The following PLD5 variants were observed in gnomAD, a reference collection of about 807,000 sequenced individuals.
PLD5 encodes inactive phospholipase D5.
In PLD5, 36 loss-of-function variants were observed where a neutral mutation model predicts 61.1. The ratio of observed to expected loss-of-function variants is 0.59; its 90% CI spans 0.45 to 0.78. The LOEUF (loss-of-function observed/expected upper bound fraction) is 0.78. Among genes scored for constraint, PLD5 ranks in the 30% least tolerant of loss-of-function variants. The probability of loss-of-function intolerance (pLI) is 0.00; values close to 1 mark genes in which losing one functional copy is unlikely to be tolerated. For missense variants in PLD5, 515 were observed against 644.4 expected (o/e 0.80, Z 2.17); for synonymous variants, 243 against 242.8 (o/e 1.00, Z -0.01).
intron 2 of PLD5, among the ~76,000 whole-genome samples, chr1:242,307,940 T>C (rs2149169761): frequency 1.3e-5 from 2 of 152,330 alleles, no homozygotes; most frequent in Middle Eastern, 3.4e-3. Context: ...ATAATTTCTC[T>C]ACTTGACGTG....
chr1:242,402,482 G>C (rs1341774687), intron 1 of PLD5, among the ~76,000 whole-genome samples: 1 of 152,056 alleles, frequency 6.6e-6, no homozygotes, highest in Non-Finnish European at 1.5e-5. Context: ...TAAAATAAGG[G>C]TAATTAAATG....
chr1:242,142,613 T>A (rs1664246891), intron 5 of PLD5, among the ~76,000 whole-genome samples: 1 of 152,062 alleles, frequency 6.6e-6, no homozygotes, highest in South Asian at 2.1e-4. Context: ...TCTAAGAACC[T>A]ATAGCTATCC....
chr1:242,355,416 A>G (rs1302717010), intron 1 of PLD5, among the ~76,000 whole-genome samples: 1 of 152,126 alleles, frequency 6.6e-6, no homozygotes, highest in Admixed American at 6.5e-5. Context: ...ATAGTTCATA[A>G]TAGTTTCTTA....
intron 1 of PLD5, among the ~76,000 whole-genome samples, chr1:242,503,815 G>T (rs1295772747): frequency 6.6e-6 from 1 of 152,150 alleles, no homozygotes; most frequent in Non-Finnish European, 1.5e-5. Context: ...GTCGGGAGCC[G>T]TTGATGGCAT....
At chr1:242,108,491 C>T (rs1023484265) in intron 7 of PLD5, among the ~76,000 whole-genome samples, 1 of 152,168 alleles carries the variant, frequency 6.6e-6, no homozygotes, top group Non-Finnish European at 1.5e-5. Context: ...GCCACAGCTT[C>T]TCCTGGATTT....
At chr1:242,334,980 A>G (rs1328897871) in intron 2 of PLD5, among the ~76,000 whole-genome samples, 1 of 152,054 alleles carries the variant, frequency 6.6e-6, no homozygotes, top group Non-Finnish European at 1.5e-5. Flanking sequence ...TATTTCTTCT[A>G]TGTATGCAAA....
At chr1:242,185,378 G>A (rs150148704) in intron 5 of PLD5, among the ~76,000 whole-genome samples, 2 of 152,282 alleles carry the variant, frequency 1.3e-5, no homozygotes, top group African/African-American at 4.8e-5. Context: ...TCCTAGAATG[G>A]AATTATTAGA....
chr1:242,393,563 T>TAC (rs1289141750), intron 1 of PLD5, among the ~76,000 whole-genome samples: 3 of 96,088 alleles, frequency 3.1e-5, no homozygotes, highest in Non-Finnish European at 5.9e-5. Context: ...TATATGAGTA[T>TAC]ATATGTGTAT....
At chr1:242,211,263 G>T (rs1053629464) in intron 5 of PLD5, among the ~76,000 whole-genome samples, 2 of 152,174 alleles carry the variant, frequency 1.3e-5, no homozygotes, top group African/African-American at 4.8e-5. Flanking sequence ...CTTCTTGGAA[G>T]GCCGGAAGGT....
chr1:242,464,001 C>T (rs1667200589), intron 1 of PLD5, among the ~76,000 whole-genome samples: 1 of 152,122 alleles, frequency 6.6e-6, no homozygotes, highest in South Asian at 2.1e-4. Context: ...TGACATTGCT[C>T]ACATTAAGGT....
At chr1:242,471,297 T>C (rs1667442370) in intron 1 of PLD5, among the ~76,000 whole-genome samples, 3 of 151,944 alleles carry the variant, frequency 2.0e-5, no homozygotes, top group South Asian at 4.1e-4. Context: ...AAAAAATCAG[T>C]GCTGGTTACT....
intron 4 of PLD5, among the ~76,000 whole-genome samples, chr1:242,234,579 T>C (rs1223258041): frequency 6.6e-6 from 1 of 151,576 alleles, no homozygotes; most frequent in Non-Finnish European, 1.5e-5. Context: ...GAGCAGAAAA[T>C]GGGGACCTAG....
At chr1:242,285,754 C>T (rs1480086321) in intron 3 of PLD5, among the ~76,000 whole-genome samples, 1 of 151,846 alleles carries the variant, frequency 6.6e-6, no homozygotes, top group East Asian at 1.9e-4. Context: ...TTTTGAAGTA[C>T]TTCTATAGTA....
intron 1 of PLD5, among the ~76,000 whole-genome samples, chr1:242,409,206 C>A (rs1395309417): frequency 5.9e-5 from 9 of 152,146 alleles, no homozygotes; most frequent in Non-Finnish European, 1.0e-4. Context: ...TCAGACACAA[C>A]CTTCCTGTTT....
chr1:242,092,815 T>C (rs1466639493), intron 9 of PLD5, among the ~76,000 whole-genome samples: 1 of 152,176 alleles, frequency 6.6e-6, no homozygotes, highest in African/African-American at 2.4e-5. Flanking sequence ...TCTGGAGCCC[T>C]CGAACATACC....
At position 242,089,758 on chromosome 1, in the gene PLD5, C is replaced by G; in HGVS notation, c.*96G>C. On this transcript the variant is annotated 3_prime_UTR_variant, in exon 10 of 10. Coordinates refer to ENST00000536534, the MANE Select transcript of PLD5 (RefSeq NM_001372062.1). ...TATTTTTTATAAGTGTGCTTTTTCC[C>G]TAAAAAAAGAGACATATTAAAGTGT... 1 of 1,479,804 alleles carries G rather than the reference C, an allele frequency of 6.8e-7. No homozygotes were observed. 91.7% of individuals were successfully genotyped at this position (1,479,804 alleles called of 1,614,324 possible). A position where few individuals can be genotyped will look rare whatever the true frequency, so the allele number is the denominator to read the frequency against.
intron 1 of PLD5, among the ~76,000 whole-genome samples, chr1:242,361,872 T>A (rs1026968170): frequency 1.4e-4 from 21 of 152,128 alleles, no homozygotes; most frequent in African/African-American, 5.1e-4. Flanking sequence ...TGGTGGCTCA[T>A]GCCTGTAGTC....
chr1:242,191,349 G>T (rs559800610), intron 5 of PLD5, among the ~76,000 whole-genome samples: 4 of 152,284 alleles, frequency 2.6e-5, no homozygotes, highest in Non-Finnish European at 5.9e-5. Context: ...AGTTTAGAAG[G>T]CCATGGCAGG....
chr1:242,251,099 G>C (rs558223779), intron 4 of PLD5, among the ~76,000 whole-genome samples: 1 of 152,132 alleles, frequency 6.6e-6, no homozygotes, highest in Non-Finnish European at 1.5e-5. Flanking sequence ...ATTTCATTTT[G>C]GATACATTGA....
Sources: allele counts gnomAD v4.1 joint callset (sites outside exome capture counted in the v4.1 genomes callset), GRCh38; gene constraint gnomAD v4.1.1; transcripts MANE v1.5; gene names NCBI Gene and HGNC (gene_info 2026-07-23, HGNC 2026-07-21).